The following HDAC9 variants were observed in gnomAD, a reference collection of about 807,000 sequenced individuals.
The protein encoded by HDAC9 is histone deacetylase 9, also known as MEF-2 interacting transcription repressor (MITR) protein.
Under a neutral mutation model 139.4 loss-of-function variants are expected in HDAC9, and 41 were observed. The ratio of observed to expected loss-of-function variants is 0.29; its 90% CI spans 0.23 to 0.38. The LOEUF (loss-of-function observed/expected upper bound fraction) is 0.38, where lower values mean the gene tolerates loss of function less well. Ranked by LOEUF, HDAC9 falls within the 10% of genes least tolerant of loss-of-function variation. The probability of loss-of-function intolerance (pLI) is 1.00; values close to 1 mark genes in which losing one functional copy is unlikely to be tolerated. For synonymous variants in HDAC9, 517 were observed against 476.2 expected (o/e 1.09, Z -1.12); for missense variants, 1,147 against 1,297.0 (o/e 0.88, Z 1.78).
chr7:18,119,201 A>G (rs568922577), intron 1 of HDAC9, among the ~76,000 whole-genome samples: 31 of 152,322 alleles, frequency 2.0e-4, no homozygotes, highest in African/African-American at 7.0e-4. Context: ...AAAAGATGCT[A>G]TATCTGAAAT....
chr7:18,500,798 A>G (rs140606710), intron 2 of HDAC9, among the ~76,000 whole-genome samples: 1 of 152,280 alleles, frequency 6.6e-6, no homozygotes, highest in African/African-American at 2.4e-5. Context: ...TAGACGTCTT[A>G]GTATTGCTTC....
upstream of HDAC9, among the ~76,000 whole-genome samples, chr7:18,490,833 ATGAG>A (rs34164569): frequency 3.9e-3 from 589 of 151,530 alleles, 5 homozygotes; most frequent in East Asian, 0.016. Context: ...GGTAACATCA[ATGAG>A]TGAGTGAGTG....
intron 12 of HDAC9, among the ~76,000 whole-genome samples, chr7:18,686,623 T>A (rs1330834011): frequency 6.6e-6 from 1 of 151,960 alleles, no homozygotes; most frequent in Non-Finnish European, 1.5e-5. Context: ...TCTTAGAATA[T>A]CTAGAGAAAC....
intron 1 of HDAC9, among the ~76,000 whole-genome samples, chr7:18,114,538 C>A (rs1190377329): frequency 1.3e-5 from 2 of 152,284 alleles, no homozygotes; most frequent in East Asian, 3.9e-4. Flanking sequence ...AGGCCTGGGA[C>A]AAACTTTGTT....
chr7:18,382,529 G>A (rs1785531127), intron 1 of HDAC9, among the ~76,000 whole-genome samples: 2 of 152,222 alleles, frequency 1.3e-5, no homozygotes, highest in African/African-American at 4.8e-5. Flanking sequence ...AGATCAAACT[G>A]TGCACAGGAC....
At chr7:18,732,870 C>CACACACATGTGTGCGTATGTGTAT in intron 13 of HDAC9, among the ~76,000 whole-genome samples, 1 of 63,186 alleles carries the variant, frequency 1.6e-5, no homozygotes, top group South Asian at 5.2e-4. Flanking sequence ...CGTATGTGTA[C>CACACACATGTGTGCGTATGTGTAT]ACACACACGT....
At chr7:18,308,656 T>G (rs555167248) in intron 1 of HDAC9, among the ~76,000 whole-genome samples, 1 of 152,192 alleles carries the variant, frequency 6.6e-6, no homozygotes, top group Non-Finnish European at 1.5e-5. Context: ...GTCAGATTTA[T>G]AACAAAAAGA....
At chr7:18,381,881 G>A (rs944020273) in intron 1 of HDAC9, among the ~76,000 whole-genome samples, 3 of 151,962 alleles carry the variant, frequency 2.0e-5, no homozygotes, top group African/African-American at 7.2e-5. Flanking sequence ...CCTATTTTTC[G>A]CCTCAGGTAT....
intron 1 of HDAC9, among the ~76,000 whole-genome samples, chr7:18,377,277 G>GT (rs1188576219): frequency 1.3e-5 from 2 of 152,116 alleles, no homozygotes; most frequent in African/African-American, 4.8e-5. Flanking sequence ...GGATGATTGG[G>GT]TAGGACCCAA....
chr7:18,930,540 A>G lies in HDAC9; in HGVS notation c.2804-5269A>G, dbSNP rs183833625. Among the ~76,000 whole-genome samples, 122 of 152,288 alleles carry G rather than the reference A, an allele frequency of 8.0e-4. 2 individuals carry two copies. Among genetic ancestry groups the G allele is most frequent in the East Asian group, 3.5e-3 (18 of 5,192 alleles). On this transcript the variant is annotated intron_variant, in intron 22 of 25. Coordinates refer to ENST00000686413, the MANE Select transcript of HDAC9 (RefSeq NM_178425.4). The stretch of plus-strand genomic sequence containing the variant: ...TGAAAAATAATACCTTCACCTGGGT[A>G]GCCACACTCGGCTGGCATTTTTAAT...
At chr7:18,431,676 A>C (rs1465170364) in intron 1 of HDAC9, among the ~76,000 whole-genome samples, 1 of 152,242 alleles carries the variant, frequency 6.6e-6, no homozygotes, top group Non-Finnish European at 1.5e-5. Flanking sequence ...ATGATGCCTT[A>C]AAAAGTAAAT....
intron 1 of HDAC9, among the ~76,000 whole-genome samples, chr7:18,333,856 T>C (rs1038846439): frequency 2.6e-5 from 4 of 151,182 alleles, no homozygotes; most frequent in African/African-American, 7.3e-5. Context: ...TAATGACAAA[T>C]GTCTGAAAAT....
chr7:18,194,527 A>G (rs2128153786), intron 2 of HDAC9, among the ~76,000 whole-genome samples: 1 of 152,292 alleles, frequency 6.6e-6, no homozygotes, highest in East Asian at 1.9e-4. Context: ...AAACCATGGT[A>G]GGTGCTATGA....
At chr7:18,509,323 G>T in intron 2 of HDAC9, 1 of 985,410 alleles carries the variant, frequency 1.0e-6, no homozygotes, top group Non-Finnish European at 1.2e-6. Flanking sequence ...TTTATCAATG[G>T]GTAGGTGGGA....
chr7:18,272,913 G>GCTACTA lies in HDAC9; in HGVS notation c.25+110613_25+110618dup, dbSNP rs149171355. Among the ~76,000 whole-genome samples the GCTACTA allele has an allele frequency of 2.5e-3, 365 of 144,612 alleles. 1 individual carries two copies. Among genetic ancestry groups the GCTACTA allele is most frequent in the East Asian group, 0.016 (78 of 4,868 alleles). 94.9% of individuals were successfully genotyped at this position (144,612 alleles called of 152,430 possible). ...GGCATTATAAGATAACTAGACTACT[G>GCTACTA]CTACTACTACTACTACTACTACTAC... On this transcript the variant is annotated intron_variant, in intron 2 of 12. Coordinates refer to the HDAC9 transcript ENST00000417496.
intron 24 of HDAC9, among the ~76,000 whole-genome samples, chr7:18,958,728 A>G (rs769198936): frequency 6.6e-6 from 1 of 152,114 alleles, no homozygotes; most frequent in Non-Finnish European, 1.5e-5. Context: ...TTTTTCTTCT[A>G]AGCCTGCGTT....
intron 25 of HDAC9, among the ~76,000 whole-genome samples, chr7:18,989,451 G>C (rs1300383574): frequency 6.6e-6 from 1 of 151,608 alleles, no homozygotes; most frequent in Non-Finnish European, 1.5e-5. Flanking sequence ...TTCCCTTTGA[G>C]GGTAACCCGA....
intron 2 of HDAC9, among the ~76,000 whole-genome samples, chr7:18,524,586 C>T (rs1373964946): frequency 2.0e-5 from 3 of 151,864 alleles, no homozygotes; most frequent in East Asian, 1.9e-4. Flanking sequence ...AATAGCATAA[C>T]GTTTAAAAAC....
Position 18,967,996 on chromosome 7 carries a change from C to T in HDAC9, c.3023-7810C>T, listed in dbSNP as rs533337235. 5.4e-3 allele frequency among the ~76,000 whole-genome samples: 814 copies of T among 151,894 alleles called. 9 individuals carry two copies. The highest frequency in any genetic ancestry group is 5.5e-3 in the Non-Finnish European group (373 of 67,964). Reference sequence around the variant, plus strand: ...TGACCAACTTGGAGAAACCCGGTCTCTACTAAAAATACAAAATTAGCCAGG... The same window carrying T: ...TGACCAACTTGGAGAAACCCGGTCTTTACTAAAAATACAAAATTAGCCAGG... On this transcript the variant is annotated intron_variant, in intron 24 of 25. Transcript: ENST00000686413.
Sources: allele counts gnomAD v4.1 joint callset (sites outside exome capture counted in the v4.1 genomes callset), GRCh38; gene constraint gnomAD v4.1.1; transcripts MANE v1.5; gene names NCBI Gene and HGNC (gene_info 2026-07-23, HGNC 2026-07-21).